HEPH: variants seen among roughly 807,000 people sequenced by gnomAD.
HEPH encodes hephaestin.
A neutral mutation model predicts 80.8 loss-of-function variants in HEPH; 69 were observed. That is an observed-to-expected ratio of 0.85 (90% CI 0.70 to 1.04). The LOEUF is 1.04. Ranked by LOEUF, HEPH falls within the 50% of genes least tolerant of loss-of-function variation. The pLI is 0.00. For synonymous variants in HEPH, 431 were observed against 322.8 expected (o/e 1.34, Z -3.60); for missense variants, 1,115 against 891.3 (o/e 1.25, Z -3.20).
chrX:66,212,148 G>A (rs1211029200), intron 15 of HEPH, among the ~76,000 whole-genome samples: 1 of 106,280 alleles, frequency 9.4e-6, no homozygotes, highest in African/African-American at 3.5e-5. Flanking sequence ...CTTATTTTGA[G>A]AAATGTCTAT....
At chrX:66,249,139 G>T (rs1321388499) in intron 15 of HEPH, among the ~76,000 whole-genome samples, 1 of 111,145 alleles carries the variant, frequency 9.0e-6, no homozygotes, top group East Asian at 2.8e-4. Flanking sequence ...CCCCCTCTGA[G>T]GCTCAAGGGC....
At chrX:66,261,527 A>G (rs1329602598) in intron 19 of HEPH, among the ~76,000 whole-genome samples, 1 of 89,396 alleles carries the variant, frequency 1.1e-5, no homozygotes, top group East Asian at 3.9e-4. Flanking sequence ...ACCCATACAA[A>G]TCAAGGCTGT....
At chrX:66,240,670 C>A (rs926545358) in intron 15 of HEPH, among the ~76,000 whole-genome samples, 1 of 110,624 alleles carries the variant, frequency 9.0e-6, no homozygotes, top group Non-Finnish European at 1.9e-5. Context: ...GCCACAGAAG[C>A]CAGAAGTTAA....
chrX:66,237,389 CA>C (rs942805926), intron 15 of HEPH, among the ~76,000 whole-genome samples: 6 of 111,700 alleles, frequency 5.4e-5, no homozygotes, highest in Non-Finnish European at 9.4e-5. Flanking sequence ...CATTATTTAC[CA>C]AAAAGTCATT....
intron 15 of HEPH, among the ~76,000 whole-genome samples, chrX:66,253,310 A>G (rs1047799837): frequency 8.9e-6 from 1 of 112,338 alleles, no homozygotes; most frequent in South Asian, 3.6e-4. Context: ...TTGAATAAAC[A>G]TTGCTCCCAA....
intron 4 of HEPH, among the ~76,000 whole-genome samples, chrX:66,179,953 A>G (rs1270193816): frequency 9.0e-6 from 1 of 110,519 alleles, no homozygotes; most frequent in Non-Finnish European, 1.9e-5. Flanking sequence ...CCACCCCTTG[A>G]CTTTAAGTTT....
chrX:66,228,211 A>G (rs2089972204), intron 15 of HEPH, among the ~76,000 whole-genome samples: 1 of 112,289 alleles, frequency 8.9e-6, no homozygotes, highest in Non-Finnish European at 1.9e-5. Context: ...ACCATCAGTT[A>G]TTGTGAGACT....
At chrX:66,250,112 A>G (rs143929078) in intron 15 of HEPH, among the ~76,000 whole-genome samples, 1 of 111,299 alleles carries the variant, frequency 9.0e-6, no homozygotes, top group Non-Finnish European at 1.9e-5. Context: ...CCACCTTGTA[A>G]TTCTACATGG....
At chrX:66,237,500 A>T (rs752628357) in intron 15 of HEPH, among the ~76,000 whole-genome samples, 1 of 111,926 alleles carries the variant, frequency 8.9e-6, no homozygotes, top group East Asian at 2.8e-4. Context: ...AGAGACTGTT[A>T]TGATTTCAGT....
At chrX:66,255,734 A>G (rs1043613540) in intron 16 of HEPH, among the ~76,000 whole-genome samples, 9 of 111,506 alleles carry the variant, frequency 8.1e-5, no homozygotes, top group African/African-American at 2.9e-4. Flanking sequence ...TGGGAGGTGC[A>G]TGTACTCTGG....
chrX:66,194,580 G>A (rs1230229901), intron 8 of HEPH, among the ~76,000 whole-genome samples: 1 of 111,946 alleles, frequency 8.9e-6, no homozygotes, highest in African/African-American at 3.2e-5. Flanking sequence ...AGATTACCTA[G>A]TACAGTGCCT....
intron 11 of HEPH, among the ~76,000 whole-genome samples, chrX:66,199,298 A>G (rs1216143740): frequency 9.0e-6 from 1 of 111,048 alleles, no homozygotes; most frequent in Non-Finnish European, 1.9e-5. Flanking sequence ...ATTGTGAAGA[A>G]TAAGCCAGAT....
intron 2 of HEPH, among the ~76,000 whole-genome samples, chrX:66,171,625 C>T (rs745890603): frequency 8.9e-6 from 1 of 111,882 alleles, no homozygotes; most frequent in Non-Finnish European, 1.9e-5. Flanking sequence ...GTAGGAATAA[C>T]AACTCTGTCT....
chrX:66,218,905 C>G (rs2089515057), intron 15 of HEPH, among the ~76,000 whole-genome samples: 2 of 111,879 alleles, frequency 1.8e-5, no homozygotes, highest in Non-Finnish European at 3.8e-5. Context: ...GGGTGTGGCA[C>G]CGGGCTGTCT....
In HEPH at chrX:66,195,245, T is replaced by C. The variant is rs769754288; in HGVS notation, c.1501+16T>C. On this transcript the variant is annotated intron_variant, in intron 9 of 20. Transcript: ENST00000343002. The stretch of plus-strand genomic sequence containing the variant: ...TACAATGATGGTGAGCCAACAGGGT[T>C]TCTAGTAAATGTGGGCTCTAGGTGG... 4.1e-5 allele frequency: 47 copies of C among 1,146,087 alleles called. 1 individual carries two copies. Among genetic ancestry groups the C allele is most frequent in the Non-Finnish European group, 5.8e-6 (5 of 861,431 alleles). The allele number at this position is 1,146,087 out of a possible 1,213,427, so 94.5% of individuals were successfully genotyped here. A position where few individuals can be genotyped will look rare whatever the true frequency, so the allele number is the denominator to read the frequency against.
At chrX:66,207,005 G>A (rs1240750798) in intron 13 of HEPH, among the ~76,000 whole-genome samples, 190 bp from the exon 14 acceptor site, 8 of 106,866 alleles carry the variant, frequency 7.5e-5, no homozygotes, top group Non-Finnish European at 1.3e-4. Context: ...CAACAAGAGC[G>A]AAACTCCGTC....
chrX:66,174,931 G>A (rs1379640789), intron 4 of HEPH, among the ~76,000 whole-genome samples: 1 of 111,265 alleles, frequency 9.0e-6, no homozygotes, highest in African/African-American at 3.3e-5. Flanking sequence ...TTTGTCAGAC[G>A]TATGGATTGT....
chrX:66,195,875 G>T (rs1300910709), intron 9 of HEPH, among the ~76,000 whole-genome samples: 2 of 111,360 alleles, frequency 1.8e-5, no homozygotes, highest in Non-Finnish European at 3.8e-5. Context: ...TTGTGTAATT[G>T]ATTTTTTACT....
chrX:66,186,447 G>C (rs1046099785), intron 4 of HEPH, among the ~76,000 whole-genome samples: 1 of 112,233 alleles, frequency 8.9e-6, no homozygotes, highest in African/African-American at 3.2e-5. Flanking sequence ...CAATATTCGG[G>C]TGGGAGTGAC....
Sources: gnomAD v4.1 joint callset for allele counts (sites outside exome capture counted in the v4.1 genomes callset) on GRCh38, gnomAD v4.1.1 for gene constraint, MANE v1.5 for transcripts, NCBI Gene and HGNC (gene_info 2026-07-23, HGNC 2026-07-21) for gene names.